RNF43: variants seen among roughly 807,000 people sequenced by gnomAD.
RNF43 encodes the protein E3 ubiquitin-protein ligase RNF43.
A neutral mutation model predicts 78.4 loss-of-function variants in RNF43; 37 were observed. The ratio of observed to expected loss-of-function variants is 0.47; its 90% CI spans 0.36 to 0.62. The LOEUF (loss-of-function observed/expected upper bound fraction) is 0.62. Ranked by LOEUF, RNF43 falls within the 20% of genes least tolerant of loss-of-function variation. RNF43 has a pLI of 0.00. For missense variants in RNF43, 774 were observed against 1,007.9 expected (o/e 0.77, Z 3.14); for synonymous variants, 347 against 395.0 (o/e 0.88, Z 1.44).
intron 2 of RNF43, among the ~76,000 whole-genome samples, chr17:58,377,344 C>A (rs1214913212): frequency 6.6e-6 from 1 of 152,142 alleles, no homozygotes; most frequent in Admixed American, 6.6e-5. Context: ...TGAACCCCTC[C>A]CCCGTTCTTT....
intron 6 of RNF43, 132 bp downstream of exon 6, chr17:58,362,412 C>T (rs1392462111): frequency 1.3e-4 from 72 of 567,382 alleles, no homozygotes; most frequent in Middle Eastern, 4.8e-4. Flanking sequence ...CAAAGACAGA[C>T]GCTGGGGTAT....
rs1972642712 is a variant in RNF43, at chr17:58,354,474, G to T, written c.*469C>A. 1 of 260,552 alleles carries T rather than the reference G, an allele frequency of 3.8e-6. No homozygotes were observed. The highest frequency in any genetic ancestry group is 5.4e-5 in the East Asian group (1 of 18,466). 16.1% of individuals were successfully genotyped at this position (260,552 alleles called of 1,614,324 possible). ...GCAGCCTTACTGTGGAGGGGCCAAAGCTGGTGTTCAGAGCTCACCCAAGGA... is the reference window on the plus strand; with the variant it reads ...GCAGCCTTACTGTGGAGGGGCCAAATCTGGTGTTCAGAGCTCACCCAAGGA... On this transcript the variant is annotated 3_prime_UTR_variant, in exon 10 of 10. Transcript: ENST00000407977.
intron 3 of RNF43, among the ~76,000 whole-genome samples, chr17:58,367,462 G>A (rs1972981456): frequency 6.6e-6 from 1 of 152,236 alleles, no homozygotes; most frequent in Non-Finnish European, 1.5e-5. Context: ...GAGAAGCAGT[G>A]GAGGCAGAAT....
chr17:58,363,987 G>A (rs748318686), intron 3 of RNF43, among the ~76,000 whole-genome samples: 1 of 152,150 alleles, frequency 6.6e-6, no homozygotes, highest in Non-Finnish European at 1.5e-5. Context: ...GGAGGGACCT[G>A]CACCCCTTAG....
chr17:58,373,574 G>C (rs1973145582), intron 2 of RNF43, among the ~76,000 whole-genome samples: 2 of 152,142 alleles, frequency 1.3e-5, no homozygotes, highest in Non-Finnish European at 2.9e-5. Flanking sequence ...TGGGATACAT[G>C]ATATGTTTTG....
rs1972817401 is a variant in RNF43, at chr17:58,360,728, C to G, written c.849+55G>C. 4 of 1,544,562 alleles carry G rather than the reference C, an allele frequency of 2.6e-6. No homozygotes were observed. The highest frequency in any genetic ancestry group is 1.9e-5 in the Admixed American group (1 of 52,110). On this transcript the variant is annotated intron_variant, in intron 7 of 9. Transcript: ENST00000407977. This position sits in a 1 kb window ranked among gnomAD's most constrained non-coding sequence, Gnocchi z 4.3. ...GCCCCTAGGCCTGCCCACCCCTCCCCCAGCTTCAATCTCCCCAGTCTGGTC... is the reference window on the plus strand; with the variant it reads ...GCCCCTAGGCCTGCCCACCCCTCCCGCAGCTTCAATCTCCCCAGTCTGGTC...
At chr17:58,416,261 C>T (rs1974122564) in intron 1 of RNF43, 1 of 152,510 alleles carries the variant, frequency 6.6e-6, no homozygotes, top group African/African-American at 2.4e-5. Flanking sequence ...AGGCCCACTG[C>T]ATTTACATAC....
rs1263232382 is a variant in RNF43 at position 58,360,479 on chromosome 17, AT to A, written c.850-229del. Among the ~76,000 whole-genome samples the A allele has an allele frequency of 6.6e-6, 1 of 152,232 alleles. No individual in the cohort carries two copies. The highest frequency in any genetic ancestry group is 2.4e-5 in the African/African-American group (1 of 41,444). ...TTAACAGACAGTTTTCTGCTGTAAAATGAAGATAAAAAAATGAATCTAACCC... is the reference window on the plus strand; with the variant it reads ...TTAACAGACAGTTTTCTGCTGTAAAAGAAGATAAAAAAATGAATCTAACCC... On this transcript the variant is annotated intron_variant, in intron 7 of 9. Transcript: ENST00000407977. This position sits in a 1 kb window ranked among gnomAD's most constrained non-coding sequence, Gnocchi z 4.3.
At chr17:58,355,757 G>A (rs1205379633) in intron 9 of RNF43, among the ~76,000 whole-genome samples, 1 of 152,178 alleles carries the variant, frequency 6.6e-6, no homozygotes, top group African/African-American at 2.4e-5. Flanking sequence ...AATAGGGAGG[G>A]TAGGTGAGCA....
rs1183102109 is a variant in RNF43 at position 58,405,265 on chromosome 17, G to A, written c.252+10061C>T. Among the ~76,000 whole-genome samples, 3 of 151,534 alleles carry A rather than the reference G, an allele frequency of 2.0e-5. No homozygotes were observed. The East Asian group carries it at 5.9e-4, about 30-fold the overall frequency. ...GTTAATTTTTTGTATTTTTAGTAGAGACGGGGTTTCACCATGTTAGCCAGG... is the reference window on the plus strand; with the variant it reads ...GTTAATTTTTTGTATTTTTAGTAGAAACGGGGTTTCACCATGTTAGCCAGG... On this transcript the variant is annotated intron_variant, in intron 2 of 9. Transcript: ENST00000407977.
chr17:58,364,715 G>A (rs1972913287), intron 3 of RNF43, among the ~76,000 whole-genome samples: 2 of 152,260 alleles, frequency 1.3e-5, no homozygotes. Flanking sequence ...AGTCTCTGGG[G>A]TCTTCCCACA....
intron 2 of RNF43, among the ~76,000 whole-genome samples, chr17:58,402,478 G>A (rs141296062): frequency 4.5e-4 from 69 of 152,226 alleles, no homozygotes; most frequent in African/African-American, 1.4e-3. Context: ...ATCTGCTCAA[G>A]GAAGGAAAGC....
intron 2 of RNF43, among the ~76,000 whole-genome samples, chr17:58,397,359 C>T (rs1247969291): frequency 1.3e-5 from 2 of 152,092 alleles, no homozygotes; most frequent in African/African-American, 2.4e-5. Context: ...TAGCACAAGT[C>T]GCTAATAATA....
At chr17:58,372,677 T>C (rs917485169) in intron 2 of RNF43, among the ~76,000 whole-genome samples, 2 of 152,204 alleles carry the variant, frequency 1.3e-5, no homozygotes, top group Non-Finnish European at 2.9e-5. Context: ...CACATCGTGA[T>C]GTTACAATGC....
chr17:58,410,004 C>G (rs906278869), intron 2 of RNF43, among the ~76,000 whole-genome samples: 2 of 150,808 alleles, frequency 1.3e-5, no homozygotes, highest in African/African-American at 4.9e-5. Context: ...AAGTACCTAC[C>G]CCCCCAGCCC....
In RNF43 at chr17:58,362,547, C is replaced by G. The variant is rs2143458363; in HGVS notation, c.684G>C (p.Arg228Ser). 1.2e-6 allele frequency: 2 copies of G among 1,608,872 alleles called. No individual in the cohort carries two copies. The highest frequency in any genetic ancestry group is 1.7e-6 in the Non-Finnish European group (2 of 1,177,362). ...LRIRCRPRHSRPDPLQQRTAW... is the reference protein window; with the variant it reads ...LRIRCRPRHSSPDPLQQRTAW... ...CCAAAGACCCCACACTGCTCACCGG[C>G]CTGCTGTGGCGGGGGCGGCACCGGA... The change falls in exon 6 of 10, where the codon AGG (arginine) becomes AGC (serine). Residue 228 changes from arginine (R) to serine (S), a missense_variant. Arg to Ser is a moderately radical substitution (Grantham distance 110). Transcript: ENST00000407977.
At chr17:58,374,530 C>T (rs1469939654) in intron 2 of RNF43, among the ~76,000 whole-genome samples, 1 of 151,950 alleles carries the variant, frequency 6.6e-6, no homozygotes, top group Non-Finnish European at 1.5e-5. Context: ...GTAGCTGGGA[C>T]TACAGGCGCC....
At chr17:58,406,987 G>T (rs750923454) in intron 2 of RNF43, among the ~76,000 whole-genome samples, 1 of 150,740 alleles carries the variant, frequency 6.6e-6, no homozygotes, top group Non-Finnish European at 1.5e-5. Context: ...TCATGACAGG[G>T]TATTCTAGAT....
intron 2 of RNF43, among the ~76,000 whole-genome samples, chr17:58,371,513 G>A (rs989908046): frequency 3.9e-5 from 6 of 152,206 alleles, no homozygotes; most frequent in Admixed American, 6.5e-5. Flanking sequence ...CTGCCTCCTC[G>A]GGATGCCCCC....
Sources: gnomAD v4.1 joint callset for allele counts (sites outside exome capture counted in the v4.1 genomes callset) on GRCh38, gnomAD v4.1.1 for gene constraint, Gnocchi (gnomAD v3.1) non-coding constraint, MANE v1.5 for transcripts, NCBI Gene and HGNC (gene_info 2026-07-23, HGNC 2026-07-21) for gene names.